PHACTR2: variants seen among roughly 807,000 people sequenced by gnomAD.
PHACTR2 encodes the protein phosphatase and actin regulator 2, also known as chromosome 6 open reading frame 56.
Under a neutral mutation model 76.0 loss-of-function variants are expected in PHACTR2, and 30 were observed. The ratio of observed to expected loss-of-function variants is 0.39; its 90% CI spans 0.30 to 0.54. The LOEUF is 0.54. Ranked by LOEUF, PHACTR2 falls within the 20% of genes least tolerant of loss-of-function variation. The pLI, the probability that PHACTR2 is intolerant of heterozygous loss-of-function variation, is 0.61. For missense variants in PHACTR2, 696 were observed against 781.1 expected (o/e 0.89, Z 1.30); for synonymous variants, 292 against 292.5 (o/e 1.00, Z 0.02).
chr6:143,619,524 G>A lies in PHACTR2; in HGVS notation c.13+11202G>A, dbSNP rs1441036727. On this transcript the variant is annotated intron_variant, in intron 1 of 11. Coordinates refer to the PHACTR2 transcript ENST00000305766. This position sits in a 1 kb window ranked among gnomAD's most constrained non-coding sequence, Gnocchi z 4.5. ...GAAATACCCTACTGAAGGGTACACA[G>A]TGTTGACCTGTACACAAAGAAGCAT... is the stretch of plus-strand genomic sequence containing the variant. Among the ~76,000 whole-genome samples the A allele has an allele frequency of 6.6e-6, 1 of 152,224 alleles. No individual in the cohort carries two copies. The highest frequency in any genetic ancestry group is 1.5e-5 in the Non-Finnish European group (1 of 68,046).
In PHACTR2 at chr6:143,539,370, C is replaced by G. The variant is rs1048720378; in HGVS notation, c.217+2163C>G. 6.6e-6 allele frequency among the ~76,000 whole-genome samples: 1 copy of G among 152,186 alleles called. No individual in the cohort carries two copies. Among genetic ancestry groups the G allele is most frequent in the Non-Finnish European group, 1.5e-5 (1 of 68,032 alleles). On this transcript the variant is annotated intron_variant, in intron 1 of 11. Transcript: ENST00000367584. The surrounding 1 kb of genome is among the most constrained non-coding windows in gnomAD (Gnocchi z 4.3). ...ACTGAGCCTCGGATCCCTTTAAGAG[C>G]AGACTAAATGTGATCAGGAGCTCCC...
chr6:143,681,945 AG>A (rs1340089468), intron 1 of PHACTR2, among the ~76,000 whole-genome samples: 1 of 152,214 alleles, frequency 6.6e-6, no homozygotes, highest in Non-Finnish European at 1.5e-5. Flanking sequence ...TTCTTATGCC[AG>A]TTACCACAAT....
At chr6:143,552,427 A>G (rs1387987990) in intron 1 of PHACTR2, among the ~76,000 whole-genome samples, 1 of 152,172 alleles carries the variant, frequency 6.6e-6, no homozygotes, top group Non-Finnish European at 1.5e-5. Flanking sequence ...CAAAACCACA[A>G]ATGGAAATAA....
intron 11 of PHACTR2, among the ~76,000 whole-genome samples, chr6:143,804,638 AT>A (rs1776027553): frequency 6.6e-6 from 1 of 152,212 alleles, no homozygotes; most frequent in Non-Finnish European, 1.5e-5. Flanking sequence ...ATAGCACACA[AT>A]TTACAATTGT....
At chr6:143,728,725 T>C (rs1778632913) in intron 2 of PHACTR2, among the ~76,000 whole-genome samples, 1 of 151,994 alleles carries the variant, frequency 6.6e-6, no homozygotes, top group South Asian at 2.1e-4. Flanking sequence ...GCCAAGAATA[T>C]AGATTAGGGA....
chr6:143,705,179 C>T (rs569131400), intron 1 of PHACTR2, among the ~76,000 whole-genome samples: 4 of 151,842 alleles, frequency 2.6e-5, no homozygotes, highest in Admixed American at 6.6e-5. Flanking sequence ...AGTAAAGTGG[C>T]GCGATCTTGG....
intron 1 of PHACTR2, among the ~76,000 whole-genome samples, chr6:143,538,014 G>T (rs1781134676): frequency 6.6e-6 from 1 of 152,326 alleles, no homozygotes; most frequent in South Asian, 2.1e-4. Context: ...GGAGGCTGAG[G>T]CAGGAGAATC....
Position 143,639,585 on chromosome 6 carries a change from A to G in PHACTR2, c.13+31263A>G, listed in dbSNP as rs185421002. Among the ~76,000 whole-genome samples the G allele has an allele frequency of 3.5e-4, 54 of 152,258 alleles. No homozygotes were observed. The Middle Eastern group carries it at 0.017, about 48-fold the overall frequency. On this transcript the variant is annotated intron_variant, in intron 1 of 11. Transcript: ENST00000305766. This position sits in a 1 kb window ranked among gnomAD's most constrained non-coding sequence, Gnocchi z 5.0. ...AAAAGTCTTTAGGTTTGGGAGTGAG[A>G]AAGCCTGATTATAGCGGGAGGGATT...
rs921419863 is a variant in PHACTR2 at position 143,772,144 on chromosome 6, G to T, written c.1233-114G>T. ...TTAGCCTGGCCTATGTCAAGTGTCT[G>T]CTTTCCTCAGCCTGAAGGAAGCCCA... On this transcript the variant is annotated intron_variant, in intron 6 of 12. Transcript: ENST00000440869. The surrounding 1 kb of genome is among the most constrained non-coding windows in gnomAD (Gnocchi z 5.4). 2.8e-6 allele frequency: 2 copies of T among 725,000 alleles called. No homozygotes were observed. The highest frequency in any genetic ancestry group is 2.5e-6 in the Non-Finnish European group (1 of 404,576). The allele number at this position is 725,000 out of a possible 1,614,324, so 44.9% of individuals were successfully genotyped here. A position where few individuals can be genotyped will look rare whatever the true frequency, so the allele number is the denominator to read the frequency against.
chr6:143,814,815 G>A (rs1776264904), intron 12 of PHACTR2, among the ~76,000 whole-genome samples: 1 of 151,946 alleles, frequency 6.6e-6, no homozygotes, highest in Non-Finnish European at 1.5e-5. Flanking sequence ...TGTTAGCCAG[G>A]ATGGTCCCAA....
chr6:143,692,186 G>C (rs1199559610), intron 1 of PHACTR2, among the ~76,000 whole-genome samples: 1 of 152,270 alleles, frequency 6.6e-6, no homozygotes, highest in East Asian at 1.9e-4. Context: ...ACAACAGCTG[G>C]GTGGCTCACA....
At chr6:143,768,809 A>C (rs1775021666) in intron 6 of PHACTR2, among the ~76,000 whole-genome samples, 1 of 152,216 alleles carries the variant, frequency 6.6e-6, no homozygotes, top group Non-Finnish European at 1.5e-5. Flanking sequence ...CAAGGTAGTT[A>C]TAATGCTTTC....
chr6:143,645,448 G>A (rs556816561), intron 1 of PHACTR2, among the ~76,000 whole-genome samples: 1 of 152,170 alleles, frequency 6.6e-6, no homozygotes, highest in Admixed American at 6.5e-5. Context: ...ATGTTATTTG[G>A]TTTTTATAAC....
chr6:143,615,600 C>G (rs920973402), intron 1 of PHACTR2, among the ~76,000 whole-genome samples: 26 of 151,986 alleles, frequency 1.7e-4, no homozygotes, highest in South Asian at 1.7e-3. Flanking sequence ...TAGAGCCCAC[C>G]TATGAAATCT....
chr6:143,801,388 G>A lies in PHACTR2; in HGVS notation c.1846-5669G>A, dbSNP rs1412599348. 4.6e-5 allele frequency among the ~76,000 whole-genome samples: 7 copies of A among 152,264 alleles called. No homozygotes were observed. In the East Asian group the frequency reaches 1.3e-3, roughly 29 times the overall value. ...TAGTCTCATATTTATTGGAGGCTTT[G>A]TTCATTTCTTTTCACTCCTTATTCT... On this transcript the variant is annotated intron_variant, in intron 11 of 12. Transcript: ENST00000440869. This position sits in a 1 kb window ranked among gnomAD's most constrained non-coding sequence, Gnocchi z 4.6.
At position 143,825,722 on chromosome 6, in the gene PHACTR2, A is replaced by G. The variant is rs1776517948; in HGVS notation, c.*2033A>G. 6.6e-6 allele frequency: 1 copy of G among 152,040 alleles called. No individual in the cohort carries two copies. Among genetic ancestry groups the G allele is most frequent in the Non-Finnish European group, 1.5e-5 (1 of 68,004 alleles). 9.4% of individuals were successfully genotyped at this position (152,040 alleles called of 1,614,324 possible). Reference sequence around the variant, plus strand: ...GATATAATGTTTCTTTTAATTGTCTATGCTTAATCATCTTTAAACACTTTT... The same window carrying G: ...GATATAATGTTTCTTTTAATTGTCTGTGCTTAATCATCTTTAAACACTTTT... On this transcript the variant is annotated 3_prime_UTR_variant, in exon 13 of 13. Coordinates refer to ENST00000440869, the MANE Select transcript of PHACTR2 (RefSeq NM_001100164.2). The surrounding 1 kb of genome is among the most constrained non-coding windows in gnomAD (Gnocchi z 4.1).
chr6:143,819,956 A>G lies in PHACTR2; in HGVS notation c.1923-3718A>G, dbSNP rs1400533585. 6.6e-6 allele frequency among the ~76,000 whole-genome samples: 1 copy of G among 152,184 alleles called. No individual in the cohort carries two copies. Among genetic ancestry groups the G allele is most frequent in the Non-Finnish European group, 1.5e-5 (1 of 68,022 alleles). On this transcript the variant is annotated intron_variant, in intron 12 of 12. Transcript: ENST00000440869. The surrounding 1 kb of genome is among the most constrained non-coding windows in gnomAD (Gnocchi z 5.0). ...AGCATAGCAGCATCTGCTTCTGGGG[A>G]GGCCTCAGAAAGCCTCCAATCACGG...
Position 143,549,523 on chromosome 6 carries a change from A to G in PHACTR2, c.217+12316A>G, listed in dbSNP as rs779009205. Among the ~76,000 whole-genome samples the G allele has an allele frequency of 6.6e-6, 1 of 152,048 alleles. No homozygotes were observed. Among genetic ancestry groups the G allele is most frequent in the Non-Finnish European group, 1.5e-5 (1 of 67,964 alleles). ...CAGAAGGCCGGCCACAGGCAATGGC[A>G]AGATGAGAATGTTTGCCCAAGCCCA... On this transcript the variant is annotated intron_variant, in intron 1 of 11. Coordinates refer to the PHACTR2 transcript ENST00000367584. This position sits in a 1 kb window ranked among gnomAD's most constrained non-coding sequence, Gnocchi z 4.2.
intron 1 of PHACTR2, among the ~76,000 whole-genome samples, chr6:143,565,989 G>A (rs934000140): frequency 6.6e-6 from 1 of 152,182 alleles, no homozygotes. Flanking sequence ...GAAGTCAGGA[G>A]GCTTGTGGGG....
Sources: allele counts gnomAD v4.1 joint callset (sites outside exome capture counted in the v4.1 genomes callset), GRCh38; gene constraint gnomAD v4.1.1; non-coding constraint Gnocchi (gnomAD v3.1); transcripts MANE v1.5; gene names NCBI Gene and HGNC (gene_info 2026-07-23, HGNC 2026-07-21).